The following LRBA variants were observed in gnomAD, a reference collection of about 807,000 sequenced individuals.
LRBA encodes the protein LPS responsive beige-like anchor protein.
Under a neutral mutation model 330.0 loss-of-function variants are expected in LRBA, and 176 were observed. That is an observed-to-expected ratio of 0.53 (90% CI 0.47 to 0.60). The LOEUF (loss-of-function observed/expected upper bound fraction) is 0.60. Among genes scored for constraint, LRBA ranks in the 20% least tolerant of loss-of-function variants. LRBA has a pLI of 0.00. For missense variants in LRBA, 3,259 were observed against 3,444.8 expected, an observed-to-expected ratio of 0.95 and a Z score of 1.35; for synonymous variants, 1,230 against 1,193.0, an observed-to-expected ratio of 1.03 and a Z score of -0.64.
chr4:150,507,387 C>T (rs113803182), intron 40 of LRBA, among the ~76,000 whole-genome samples: 22,275 of 151,782 alleles, frequency 0.15, 1,660 homozygotes, highest in Middle Eastern at 0.18. Flanking sequence ...GAGATATAGA[C>T]CAATGGAACA....
chr4:151,006,492 G>A (rs943448754), intron 2 of LRBA, among the ~76,000 whole-genome samples: 7 of 151,904 alleles, frequency 4.6e-5, no homozygotes, highest in African/African-American at 1.7e-4. Context: ...ATACCTTATT[G>A]TACATCTATA....
intron 2 of LRBA, among the ~76,000 whole-genome samples, chr4:150,931,182 A>G (rs1734455279): frequency 6.6e-6 from 1 of 151,940 alleles, no homozygotes; most frequent in African/African-American, 2.4e-5. Flanking sequence ...ATTCCTTTAT[A>G]CTCTTCATCC....
At chr4:150,337,659 G>A (rs557493979) in intron 48 of LRBA, among the ~76,000 whole-genome samples, 1 of 152,200 alleles carries the variant, frequency 6.6e-6, no homozygotes, top group African/African-American at 2.4e-5. Context: ...TTGGCCAGAG[G>A]TACTTCATGA....
intron 40 of LRBA, among the ~76,000 whole-genome samples, chr4:150,536,304 CTAT>C (rs1169770495): frequency 1.3e-5 from 2 of 152,120 alleles, no homozygotes; most frequent in East Asian, 1.9e-4. Context: ...ATATTAAGGA[CTAT>C]TATTAATAAT....
intron 37 of LRBA, among the ~76,000 whole-genome samples, chr4:150,660,488 C>A (rs1412974190): frequency 6.6e-6 from 1 of 151,222 alleles, no homozygotes; most frequent in South Asian, 2.1e-4. Context: ...TGGGGGGGGT[C>A]AGCCCCCCCC....
At chr4:150,325,286 AAATAC>A (rs1441429993) in intron 49 of LRBA, among the ~76,000 whole-genome samples, 3 of 152,178 alleles carry the variant, frequency 2.0e-5, no homozygotes, top group African/African-American at 4.8e-5. Context: ...GAATCATGAG[AAATAC>A]AATACATGAT....
chr4:150,746,139 T>C (rs1286548577), intron 35 of LRBA, among the ~76,000 whole-genome samples: 1 of 152,228 alleles, frequency 6.6e-6, no homozygotes, highest in Non-Finnish European at 1.5e-5. Context: ...ATGAAACACA[T>C]ACAGTATTTA....
intron 56 of LRBA, among the ~76,000 whole-genome samples, chr4:150,274,117 C>T (rs184954354): frequency 3.7e-4 from 57 of 152,264 alleles, no homozygotes; most frequent in Middle Eastern, 6.8e-3. Context: ...GTCTCTCAGA[C>T]GCAGTGCAAT....
chr4:150,448,764 T>TGCA (rs1752935329), intron 44 of LRBA, among the ~76,000 whole-genome samples: 2 of 116,974 alleles, frequency 1.7e-5, no homozygotes, highest in African/African-American at 6.6e-5. Context: ...ATCATGCCCT[T>TGCA]GCACTCCAGT....
intron 34 of LRBA, among the ~76,000 whole-genome samples, chr4:150,784,430 C>T (rs1394629931): frequency 1.3e-5 from 2 of 152,110 alleles, no homozygotes; most frequent in Non-Finnish European, 2.9e-5. Context: ...TTGCCCTTGC[C>T]CCACATGATC....
chr4:150,985,719 T>C (rs1419172338), intron 2 of LRBA, among the ~76,000 whole-genome samples: 1 of 152,098 alleles, frequency 6.6e-6, no homozygotes, highest in Non-Finnish European at 1.5e-5. Flanking sequence ...AGGATAGTCT[T>C]GATCTCCTGA....
chr4:150,849,972 CAAAT>C (rs1163073922), intron 24 of LRBA, among the ~76,000 whole-genome samples: 2 of 151,338 alleles, frequency 1.3e-5, no homozygotes, highest in East Asian at 3.9e-4. Context: ...GAATCTTACA[CAAAT>C]AAAAAAAAAT....
intron 48 of LRBA, among the ~76,000 whole-genome samples, chr4:150,326,615 A>G: frequency 6.6e-6 from 1 of 152,328 alleles, no homozygotes; most frequent in Middle Eastern, 3.4e-3. Flanking sequence ...CCATCATGGG[A>G]AACTGCTAAA....
At chr4:150,649,231 T>C (rs1006250777) in intron 37 of LRBA, among the ~76,000 whole-genome samples, 1 of 152,218 alleles carries the variant, frequency 6.6e-6, no homozygotes, top group Non-Finnish European at 1.5e-5. Context: ...GTTCTTAAAC[T>C]GTTCCTGGCT....
chr4:150,742,456 T>G (rs1732140359), intron 35 of LRBA, among the ~76,000 whole-genome samples: 1 of 152,076 alleles, frequency 6.6e-6, no homozygotes, highest in African/African-American at 2.4e-5. Flanking sequence ...CAAGGATTAT[T>G]TTTTTAAATT....
chr4:150,834,980 T>C (rs1747800270), intron 28 of LRBA, among the ~76,000 whole-genome samples: 1 of 152,230 alleles, frequency 6.6e-6, no homozygotes, highest in African/African-American at 2.4e-5. Context: ...TTAATGCTTG[T>C]ATAAGGTGTA....
chr4:150,702,194 T>C (rs530494560), intron 36 of LRBA, among the ~76,000 whole-genome samples: 211 of 152,332 alleles, frequency 1.4e-3, no homozygotes, highest in African/African-American at 4.8e-3. Context: ...TTGCACTGTA[T>C]TTTAACCACT....
At chr4:150,968,635 G>T (rs1322631539) in intron 2 of LRBA, among the ~76,000 whole-genome samples, 1 of 152,164 alleles carries the variant, frequency 6.6e-6, no homozygotes, top group African/African-American at 2.4e-5. Flanking sequence ...GAGGCTTAAG[G>T]AAAGAAACAG....
chr4:150,633,078 G>A (rs942460311), intron 37 of LRBA, among the ~76,000 whole-genome samples: 1 of 152,094 alleles, frequency 6.6e-6, no homozygotes, highest in Non-Finnish European at 1.5e-5. Context: ...ATATCTAAAT[G>A]TTTACTTGCT....
Sources: allele counts gnomAD v4.1 joint callset (sites outside exome capture counted in the v4.1 genomes callset), GRCh38; gene constraint gnomAD v4.1.1; transcripts MANE v1.5; gene names NCBI Gene and HGNC (gene_info 2026-07-23, HGNC 2026-07-21).